CDH12: variants seen among roughly 807,000 people sequenced by gnomAD.
CDH12 encodes the protein cadherin-12.
CDH12 carries 41 observed loss-of-function variants against 74.1 expected under a neutral mutation model. The ratio of observed to expected loss-of-function variants is 0.55; its 90% CI spans 0.43 to 0.72. The LOEUF (loss-of-function observed/expected upper bound fraction) is 0.72. CDH12 is among the 30% of genes least tolerant of loss of function. The pLI, the probability that CDH12 is intolerant of heterozygous loss-of-function variation, is 0.00. For missense variants in CDH12, 945 were observed against 977.2 expected (o/e 0.97, Z 0.44); for synonymous variants, 399 against 355.0 (o/e 1.12, Z -1.39).
At chr5:22,644,660 TA>T (rs905403550) in intron 1 of CDH12, among the ~76,000 whole-genome samples, 1 of 151,932 alleles carries the variant, frequency 6.6e-6, no homozygotes, top group Non-Finnish European at 1.5e-5. Flanking sequence ...AAAATTTAGC[TA>T]TACTAGATGA....
chr5:22,119,038 C>T (rs1474852673), intron 4 of CDH12, among the ~76,000 whole-genome samples: 1 of 152,020 alleles, frequency 6.6e-6, no homozygotes, highest in Non-Finnish European at 1.5e-5. Flanking sequence ...ATAGGATCGC[C>T]TTTTCAATTT....
At chr5:21,816,624 C>CAAAGAAAAAAA (rs1748057610) in intron 9 of CDH12, among the ~76,000 whole-genome samples, 1 of 17,956 alleles carries the variant, frequency 5.6e-5, no homozygotes, top group African/African-American at 1.3e-4. Context: ...AACTCCATCT[C>CAAAGAAAAAAA]AAAAAAAAAA....
intron 4 of CDH12, among the ~76,000 whole-genome samples, chr5:22,102,675 AATAAATAAATAAATAAATAC>A (rs1276181805): frequency 6.6e-6 from 1 of 151,718 alleles, no homozygotes; most frequent in Non-Finnish European, 1.5e-5. Flanking sequence ...TAAATAAATA[AATAAATAAATAAATAAATAC>A]ATAAATAAAT....
At chr5:22,607,578 C>G (rs1387098038) in intron 1 of CDH12, among the ~76,000 whole-genome samples, 1 of 152,214 alleles carries the variant, frequency 6.6e-6, no homozygotes, top group African/African-American at 2.4e-5. Context: ...GATTCAATTA[C>G]CTCCCCATGG....
At chr5:22,078,345 G>A in intron 5 of CDH12, 101 bp downstream of exon 5, 2 of 967,830 alleles carry the variant, frequency 2.1e-6, no homozygotes, top group Non-Finnish European at 3.2e-6. Context: ...CAGTGTTCTA[G>A]TCACTGGTTT....
At chr5:22,542,588 C>G (rs1296716686) in intron 1 of CDH12, among the ~76,000 whole-genome samples, 1 of 152,104 alleles carries the variant, frequency 6.6e-6, no homozygotes, top group African/African-American at 2.4e-5. Flanking sequence ...AGCACTTTGA[C>G]TTAATTACAC....
Position 21,755,700 on chromosome 5 carries a change from A to G in CDH12, c.1776T>C (p.Cys592=), listed in dbSNP as rs1001769597. ...AAGACAGGATGGTGCCATCAGAGTC[A>G]CATCTACAGACTCGAATAGTCATTG... ...TNTMTIRVCR[C]DSDGTILSCN... is the part of the protein sequence containing the mutation. Residue 592 remains cysteine (C), a synonymous_variant, in exon 14 of 15, where the codon TGT becomes TGC. Coordinates refer to ENST00000382254, the MANE Select transcript of CDH12 (RefSeq NM_004061.5). The G allele has an allele frequency of 1.9e-6, 3 of 1,614,046 alleles. No homozygotes were observed. In the African/African-American group the frequency reaches 4.0e-5, roughly 22 times the overall value.
intron 1 of CDH12, among the ~76,000 whole-genome samples, chr5:22,576,387 T>C (rs898519506): frequency 6.6e-6 from 1 of 152,190 alleles, no homozygotes; most frequent in Non-Finnish European, 1.5e-5. Flanking sequence ...GCAACCTTCA[T>C]GTTGGTGTTG....
chr5:22,746,167 T>C (rs1188960080), intron 1 of CDH12, among the ~76,000 whole-genome samples: 1 of 152,178 alleles, frequency 6.6e-6, no homozygotes, highest in African/African-American at 2.4e-5. Flanking sequence ...TTGGTATATA[T>C]AGAAGTTGTA....
At chr5:22,006,220 T>C (rs1391036181) in intron 5 of CDH12, among the ~76,000 whole-genome samples, 2 of 152,072 alleles carry the variant, frequency 1.3e-5, no homozygotes, top group Non-Finnish European at 2.9e-5. Context: ...GGTCTCACTA[T>C]ATTGACCAAG....
intron 1 of CDH12, among the ~76,000 whole-genome samples, chr5:22,716,760 T>C (rs1157278546): frequency 6.6e-6 from 1 of 152,070 alleles, no homozygotes. Flanking sequence ...GTGATATTGA[T>C]GATCCTGACC....
intron 5 of CDH12, among the ~76,000 whole-genome samples, chr5:22,039,765 A>G (rs559679131): frequency 1.3e-5 from 2 of 152,298 alleles, no homozygotes; most frequent in African/African-American, 4.8e-5. Flanking sequence ...CATTGTATCT[A>G]CTTGAAATGA....
intron 11 of CDH12, among the ~76,000 whole-genome samples, chr5:21,780,684 G>C (rs1009363099): frequency 6.6e-6 from 1 of 152,154 alleles, no homozygotes; most frequent in Non-Finnish European, 1.5e-5. Flanking sequence ...CTGGTCAGTT[G>C]TCATTTATTG....
intron 4 of CDH12, among the ~76,000 whole-genome samples, chr5:22,140,058 C>T (rs989273770): frequency 9.2e-5 from 14 of 152,116 alleles, no homozygotes; most frequent in Admixed American, 5.9e-4. Flanking sequence ...GGAACTTTCA[C>T]CCCTTTGCAT....
At chr5:21,954,876 T>C (rs1756026039) in intron 6 of CDH12, among the ~76,000 whole-genome samples, 1 of 152,146 alleles carries the variant, frequency 6.6e-6, no homozygotes, top group Non-Finnish European at 1.5e-5. Context: ...CCTCATTAAA[T>C]GTAAAATCAA....
At chr5:22,228,267 C>A (rs1031646174) in intron 3 of CDH12, among the ~76,000 whole-genome samples, 1 of 151,780 alleles carries the variant, frequency 6.6e-6, no homozygotes, top group Non-Finnish European at 1.5e-5. Flanking sequence ...GATGCAAATA[C>A]AAAATATTTG....
intron 1 of CDH12, among the ~76,000 whole-genome samples, chr5:22,595,125 A>T (rs1170527726): frequency 6.6e-6 from 1 of 152,228 alleles, no homozygotes; most frequent in Admixed American, 6.5e-5. Flanking sequence ...ATGATATACT[A>T]TTAAATATAA....
At chr5:22,649,204 G>C (rs1739599087) in intron 1 of CDH12, among the ~76,000 whole-genome samples, 1 of 151,908 alleles carries the variant, frequency 6.6e-6, no homozygotes, top group African/African-American at 2.4e-5. Context: ...AATGTACCAG[G>C]CACTCTGCCA....
chr5:21,833,031 T>TATATAATATATATTATATGTTATGTAAC lies in CDH12; in HGVS notation c.814+9129_814+9130insGTTACATAACATATAATATATATTATAT, dbSNP rs1561224448. Among the ~76,000 whole-genome samples the TATATAATATATATTATATGTTATGTAAC allele has an allele frequency of 2.1e-4, 12 of 56,290 alleles. 2 individuals are homozygous for TATATAATATATATTATATGTTATGTAAC. Among genetic ancestry groups the TATATAATATATATTATATGTTATGTAAC allele is most frequent in the African/African-American group, 8.8e-4 (12 of 13,656 alleles). 36.9% of individuals were successfully genotyped at this position (56,290 alleles called of 152,430 possible). On this transcript the variant is annotated intron_variant, in intron 8 of 14. Coordinates refer to ENST00000382254, the MANE Select transcript of CDH12 (RefSeq NM_004061.5). ...ATATAATATATGATATAATATATAA[T>TATATAATATATATTATATGTTATGTAAC]ATATAATATATAATATATATTATAT...
Sources: gnomAD v4.1 joint callset for allele counts (sites outside exome capture counted in the v4.1 genomes callset) on GRCh38, gnomAD v4.1.1 for gene constraint, MANE v1.5 for transcripts, NCBI Gene and HGNC (gene_info 2026-07-23, HGNC 2026-07-21) for gene names.